Variants in DUS1L observed in about 807,000 individuals in gnomAD.
DUS1L encodes the protein tRNA-dihydrouridine(16/17) synthase [NAD(P)(+)]-like.
A neutral mutation model predicts 61.2 loss-of-function variants in DUS1L; 56 were observed. The ratio of observed to expected loss-of-function variants is 0.92; its 90% CI spans 0.74 to 1.14. DUS1L has a LOEUF of 1.14. Ranked by LOEUF, DUS1L falls within the 50% of genes most tolerant of loss-of-function variation. The pLI is 0.00. For missense variants in DUS1L, 630 were observed against 632.4 expected, an observed-to-expected ratio of 1.00 and a Z score of 0.04; for synonymous variants, 278 against 259.5, an observed-to-expected ratio of 1.07 and a Z score of -0.69.
rs771011597 is a variant in DUS1L at position 82,064,844 on chromosome 17, C to G, written c.216G>C (p.Glu72Asp). The stretch of plus-strand genomic sequence containing the variant: ...GCACCTGCACGATGAGGGGCCGGTC[C>G]TCGGGGCACACCTCGCAGTACAGGT... Reference protein sequence around the residue: ...KENLYCEVCPEDRPLIVQFCA... With the variant: ...KENLYCEVCPDDRPLIVQFCA... Residue 72 changes from glutamate to aspartate, a missense_variant, in exon 2 of 14, where the codon GAG (glutamate) becomes GAC (aspartate). Glu to Asp is a conservative substitution (Grantham distance 45, BLOSUM62 2). Transcript: ENST00000306796. 4.8e-5 allele frequency: 77 copies of G among 1,611,172 alleles called. No homozygotes were observed. The Middle Eastern group carries it at 7.2e-4, about 15-fold the overall frequency.
At position 82,061,353 on chromosome 17, in the gene DUS1L, T is replaced by C. The variant is rs1228408594; in HGVS notation, c.698A>G (p.Glu233Gly). 1.3e-6 allele frequency: 2 copies of C among 1,570,644 alleles called. No individual in the cohort carries two copies. The highest frequency in any genetic ancestry group is 2.3e-5 in the East Asian group (1 of 44,250). Residue 233 changes from glutamate to glycine, a missense_variant and splice_region_variant, in exon 8 of 14, where the codon GAG (glutamate) becomes GGG (glycine). Coordinates refer to ENST00000306796, the MANE Select transcript of DUS1L (RefSeq NM_022156.5). The part of the protein sequence containing the change: ...DTGVQGVMSA[E>G]GNLHNPALFE... ...CAGGGCGGGGTTGTGCAGGTTGCCCTCTGTGGGAGGAGGAGCGGGGAAGGA... is the reference window on the plus strand; with the variant it reads ...CAGGGCGGGGTTGTGCAGGTTGCCCCCTGTGGGAGGAGGAGCGGGGAAGGA...
At chr17:82,062,063 C>G in intron 5 of DUS1L, 80 bp from the exon 6 acceptor site, 1 of 1,294,360 alleles carries the variant, frequency 7.7e-7, no homozygotes, top group South Asian at 1.5e-5. Flanking sequence ...CACGCCCCCT[C>G]TGCCCCTACT....
intron 3 of DUS1L, among the ~76,000 whole-genome samples, 192 bp downstream of exon 3, chr17:82,063,934 C>T (rs575408472): frequency 2.0e-5 from 3 of 152,310 alleles, no homozygotes; most frequent in South Asian, 2.1e-4. Flanking sequence ...CAGTAGGGCT[C>T]GGCCCCTAGC....
intron 7 of DUS1L, 105 bp downstream of exon 7, chr17:82,061,513 G>A: frequency 2.8e-6 from 4 of 1,434,500 alleles, no homozygotes; most frequent in Middle Eastern, 2.0e-4. Flanking sequence ...CACCATCTGT[G>A]AACAGCACCA....
intron 9 of DUS1L, 35 bp downstream of exon 9, chr17:82,060,830 T>C (rs2033452672): frequency 6.2e-7 from 1 of 1,611,624 alleles, no homozygotes; most frequent in Non-Finnish European, 8.5e-7. Context: ...CCTCACCCCC[T>C]GCAAGGCCGG....
At chr17:82,061,179 A>C (rs763269004) in intron 8 of DUS1L, 30 bp downstream of exon 8, 53 of 1,563,508 alleles carry the variant, frequency 3.4e-5, no homozygotes, top group African/African-American at 8.1e-5. Context: ...CGGCCCTCCA[A>C]CGTGGCTTCT....
intron 10 of DUS1L, chr17:82,060,429 C>A: frequency 1.7e-6 from 1 of 586,634 alleles, no homozygotes; most frequent in Non-Finnish European, 3.0e-6. Flanking sequence ...CAGAGGAGCT[C>A]AGAGAAGTAT....
intron 5 of DUS1L, 63 bp from the exon 6 acceptor site, chr17:82,062,046 G>GC: frequency 9.5e-7 from 1 of 1,056,448 alleles, no homozygotes; most frequent in Middle Eastern, 3.8e-4. Flanking sequence ...AGCCCCCTCC[G>GC]CCCCTCCACG....
At position 82,064,925 on chromosome 17, in the gene DUS1L, G is replaced by C. The variant is rs2033697035; in HGVS notation, c.135C>G (p.Tyr45Ter). 2 of 1,612,696 alleles carry C rather than the reference G, an allele frequency of 1.2e-6. No homozygotes were observed. Among genetic ancestry groups the C allele is most frequent in the Non-Finnish European group, 1.7e-6 (2 of 1,179,880 alleles). Residue 45 changes from tyrosine (Y) to a stop codon, truncating the protein, a stop_gained, in exon 2 of 14, where the codon TAC (tyrosine) becomes TAG (stop). Transcript: ENST00000306796. LOFTEE classifies it high-confidence loss of function. ...AGACCTGGGCATGCAGCATGGGCGT[G>C]TAGCAGAGCTGTGCCCCGTGGCGCC... ...LSRRHGAQLC[Y>*]TPMLHAQVFV...
rs765586476 is a variant in DUS1L, at chr17:82,062,854, G to C, written c.510+7C>G. 3.5e-5 allele frequency: 57 copies of C among 1,611,544 alleles called. No homozygotes were observed. The South Asian group carries it at 6.0e-4, about 17-fold the overall frequency. On this transcript the variant is annotated splice_region_variant and intron_variant, in intron 5 of 13. Coordinates refer to ENST00000306796, the MANE Select transcript of DUS1L (RefSeq NM_022156.5). ...GCCCATGACACCCCCGCGAGCCCAG[G>C]GCTCACCTGGCAGCCGGCCTTCTCC...
intron 5 of DUS1L, 88 bp downstream of exon 5, chr17:82,062,773 G>T: frequency 8.2e-7 from 1 of 1,214,824 alleles, no homozygotes; most frequent in Non-Finnish European, 1.2e-6. Context: ...ACGGTGCACG[G>T]TGTCTGGACA....
At chr17:82,060,360 C>CT (rs1472770817) in intron 10 of DUS1L, 4 of 588,414 alleles carry the variant, frequency 6.8e-6, no homozygotes, top group African/African-American at 5.6e-5. Flanking sequence ...GGCCTCACCT[C>CT]TGAGAACCCA....
chr17:82,058,202 C>G lies in DUS1L; in HGVS notation c.1335G>C (p.Glu445Asp). 1 of 1,601,080 alleles carries G rather than the reference C, an allele frequency of 6.2e-7. No individual in the cohort carries two copies. The highest frequency in any genetic ancestry group is 8.5e-7 in the Non-Finnish European group (1 of 1,171,242). ...GAGGCTCCTGCAGCTCAGGCTGGGC[C>G]TCTTTCCAGGCCAGAGACTTCTCCA... ...TKLEKSLAWKEAQPELQEPQP... is the reference protein window; with the variant it reads ...TKLEKSLAWKDAQPELQEPQP... The change falls in exon 14 of 14, where the codon GAG (glutamate) becomes GAC (aspartate). Residue 445 changes from glutamate (E) to aspartate (D), a missense_variant. By Grantham distance (45) the Glu-to-Asp change is conservative. Coordinates refer to ENST00000306796, the MANE Select transcript of DUS1L (RefSeq NM_022156.5).
At position 82,061,741 on chromosome 17, in the gene DUS1L, T is replaced by C; in HGVS notation, c.594-20A>G. On this transcript the variant is annotated intron_variant, in intron 6 of 13. Coordinates refer to ENST00000306796, the MANE Select transcript of DUS1L (RefSeq NM_022156.5). Reference sequence around the variant, plus strand: ...GCCTTCCTGTTGGCAGAGAAATGCCTGTTTCCACCCGCCCGGAACAGCACC... The same window carrying C: ...GCCTTCCTGTTGGCAGAGAAATGCCCGTTTCCACCCGCCCGGAACAGCACC... The C allele has an allele frequency of 6.2e-7, 1 of 1,611,778 alleles. No homozygotes were observed. Among genetic ancestry groups the C allele is most frequent in the South Asian group, 1.1e-5 (1 of 91,068 alleles).
In DUS1L at chr17:82,058,781, C is replaced by T. The variant is rs1241146509; in HGVS notation, c.1206G>A (p.Lys402=). The change falls in exon 12 of 14, where the codon AAG becomes AAA. Residue 402 remains lysine (K), a splice_region_variant and synonymous_variant. Transcript: ENST00000306796. The part of the protein sequence containing the change: ...YAKCDQCGNP[K]GNRCVFSLCR... ...TGGCTTGCAGCCGGAACCCACTCACCTTTGGGTTTCCACACTGGTCACACT... is the reference window on the plus strand; with the variant it reads ...TGGCTTGCAGCCGGAACCCACTCACTTTTGGGTTTCCACACTGGTCACACT... 3.7e-6 allele frequency: 6 copies of T among 1,613,308 alleles called. No individual in the cohort carries two copies. The highest frequency in any genetic ancestry group is 4.2e-6 in the Non-Finnish European group (5 of 1,179,952).
In DUS1L at chr17:82,064,321, A is replaced by G. The variant is rs1331467387; in HGVS notation, c.238-87T>C. ...CCTACGAGAGGTCCAGTGTGACCCC[A>G]TGAGGGTGTGGGCCCAGGTTCACTG... On this transcript the variant is annotated intron_variant, in intron 2 of 13. Coordinates refer to ENST00000306796, the MANE Select transcript of DUS1L (RefSeq NM_022156.5). 13 of 1,175,044 alleles carry G rather than the reference A, an allele frequency of 1.1e-5. No homozygotes were observed. In the Admixed American group the frequency reaches 1.8e-4, roughly 16 times the overall value. The allele number at this position is 1,175,044 out of a possible 1,614,324, so 72.8% of individuals were successfully genotyped here.
At chr17:82,060,838 C>A (rs58204115) in intron 9 of DUS1L, 27 bp downstream of exon 9, 1 of 1,610,660 alleles carries the variant, frequency 6.2e-7, no homozygotes. Flanking sequence ...CCTGCAAGGC[C>A]GGGCTCCCAC....
chr17:82,060,730 G>A lies in DUS1L; in HGVS notation c.993C>T (p.His331=), dbSNP rs780520593. The change falls in exon 10 of 14, where the codon CAC becomes CAT. Residue 331 remains histidine (H), a synonymous_variant. Transcript: ENST00000306796. ...GCCGGATGTAGGGCTGGCAGATCCA[G>A]TGGAAGGGCAAGTCGCCGGTGGGCT... ...GAKPTGDLPF[H]WICQPYIRPG... is the part of the protein sequence containing the mutation. 29 of 1,612,914 alleles carry A rather than the reference G, an allele frequency of 1.8e-5. No homozygotes were observed. Among genetic ancestry groups the A allele is most frequent in the Middle Eastern group, 1.6e-4 (1 of 6,082 alleles).
chr17:82,059,667 G>T, intron 11 of DUS1L: 1 of 472,810 alleles, frequency 2.1e-6, no homozygotes. Context: ...GGGACCCGAG[G>T]CCCTGAGCTG....
Sources: allele counts gnomAD v4.1 joint callset (sites outside exome capture counted in the v4.1 genomes callset), GRCh38; gene constraint gnomAD v4.1.1; transcripts MANE v1.5; gene names NCBI Gene and HGNC (gene_info 2026-07-23, HGNC 2026-07-21).